SLC11A2: variants seen among roughly 807,000 people sequenced by gnomAD.
SLC11A2 encodes the protein natural resistance-associated macrophage protein 2.
In SLC11A2, 38 loss-of-function variants were observed where a neutral mutation model predicts 68.0. That is an observed-to-expected ratio of 0.56 (90% CI 0.43 to 0.73). The LOEUF (loss-of-function observed/expected upper bound fraction) is 0.73, where lower values mean the gene tolerates loss of function less well. Ranked by LOEUF, SLC11A2 falls within the 30% of genes least tolerant of loss-of-function variation. The pLI is 0.00. For missense variants in SLC11A2, 517 were observed against 690.5 expected (o/e 0.75, Z 2.82); for synonymous variants, 242 against 250.6 (o/e 0.97, Z 0.32).
rs146406034 is a variant in SLC11A2, at chr12:51,000,856, C to T, written c.430-437G>A. Among the ~76,000 whole-genome samples, 278 of 152,088 alleles carry T rather than the reference C, an allele frequency of 1.8e-3. 4 individuals carry two copies. Among genetic ancestry groups the T allele is most frequent in the African/African-American group, 6.3e-3 (262 of 41,510 alleles). ...TCTATCCTGACCATAGCTGGGAAGA[C>T]AAAACAAACATGAAAAGGTTGGGGT... On this transcript the variant is annotated intron_variant, in intron 5 of 15. Coordinates refer to ENST00000262052, the MANE Select transcript of SLC11A2 (RefSeq NM_000617.3).
At chr12:50,994,516 C>A (rs972489555) in intron 11 of SLC11A2, 28 bp downstream of exon 11, 3 of 1,441,272 alleles carry the variant, frequency 2.1e-6, no homozygotes, top group Non-Finnish European at 2.0e-6. Context: ...GATTCAGGAA[C>A]AAAGATCACA....
At chr12:51,026,483 G>A, upstream of SLC11A2, 1 of 629,856 alleles carries the variant, frequency 1.6e-6, no homozygotes, top group South Asian at 1.6e-5. Context: ...GTGGCCCGCA[G>A]ACCAGGGACC....
chr12:51,012,011 CTT>C (rs1943271105), intron 1 of SLC11A2, among the ~76,000 whole-genome samples: 1 of 152,186 alleles, frequency 6.6e-6, no homozygotes, highest in Admixed American at 6.5e-5. Flanking sequence ...AGCCTCAAAT[CTT>C]CCTAAGAAAG....
chr12:50,973,455 A>T, the SLC11A2 span, among the ~76,000 whole-genome samples: 1 of 152,210 alleles, frequency 6.6e-6, no homozygotes, highest in Non-Finnish European at 1.5e-5. Flanking sequence ...GAAAACTAAC[A>T]AACAGAGAGG....
At chr12:50,965,388 G>T in the SLC11A2 span, among the ~76,000 whole-genome samples, 1 of 151,196 alleles carries the variant, frequency 6.6e-6, no homozygotes, top group African/African-American at 2.4e-5. Context: ...CTCCCAAAGT[G>T]CTGGGATTAC....
chr12:50,997,650 A>C (rs1169959950), intron 8 of SLC11A2, among the ~76,000 whole-genome samples: 1 of 135,922 alleles, frequency 7.4e-6, no homozygotes, highest in East Asian at 2.4e-4. Flanking sequence ...ACTGAACTCC[A>C]GCATAGGCAA....
the SLC11A2 span, among the ~76,000 whole-genome samples, chr12:50,960,745 C>T: frequency 6.6e-6 from 1 of 151,918 alleles, no homozygotes; most frequent in African/African-American, 2.4e-5. Flanking sequence ...TGCAGTGGTG[C>T]AATCACAGCT....
chr12:50,995,652 A>C lies in SLC11A2; in HGVS notation c.967T>G (p.Phe323Val). ...FVVSVFAEAF[F>V]GKTNEQVVEV... The stretch of plus-strand genomic sequence containing the variant: ...ACCACCTGCTCGTTGGTTTTCCCAA[A>C]AAATGCTTCAGCAAAGACTGAGACA... Residue 323 changes from phenylalanine to valine, a missense_variant, in exon 10 of 16, where the codon TTT becomes GTT. Phe to Val is a conservative substitution (Grantham distance 50). Transcript: ENST00000262052. The C allele has an allele frequency of 2.5e-6, 4 of 1,614,210 alleles. No individual in the cohort carries two copies. Among genetic ancestry groups the C allele is most frequent in the Non-Finnish European group, 3.4e-6 (4 of 1,180,028 alleles).
At chr12:50,971,130 T>C in the SLC11A2 span, among the ~76,000 whole-genome samples, 4 of 152,202 alleles carry the variant, frequency 2.6e-5, no homozygotes, top group Non-Finnish European at 4.4e-5. Flanking sequence ...TTCACCCACA[T>C]TGGCTTCCCA....
upstream of SLC11A2, chr12:51,028,156 C>T: frequency 1.3e-6 from 2 of 1,509,354 alleles, no homozygotes; most frequent in Non-Finnish European, 1.8e-6. Context: ...CTCAGCTGGG[C>T]AGCTTCCCTG....
chr12:50,967,337 G>A, the SLC11A2 span, among the ~76,000 whole-genome samples: 1 of 152,012 alleles, frequency 6.6e-6, no homozygotes, highest in African/African-American at 2.4e-5. Context: ...CGTAGAGGTG[G>A]GATCTCCCTA....
At chr12:50,975,163 C>G (rs1019193837), downstream of SLC11A2, among the ~76,000 whole-genome samples, 3 of 152,196 alleles carry the variant, frequency 2.0e-5, no homozygotes, top group African/African-American at 7.2e-5. Context: ...ACAGAACTCT[C>G]CACCCCAAAT....
downstream of SLC11A2, among the ~76,000 whole-genome samples, chr12:50,976,236 A>G (rs1346608387): frequency 3.3e-5 from 5 of 152,248 alleles, no homozygotes; most frequent in East Asian, 7.7e-4. Flanking sequence ...TGATGCAAAA[A>G]TCCTCAATAA....
chr12:50,954,331 T>G, the SLC11A2 span: 5 of 403,888 alleles, frequency 1.2e-5, no homozygotes, highest in Admixed American at 4.1e-5. Context: ...TCATTAGAAG[T>G]CTACCTAAAA....
At chr12:50,992,383 CA>C (rs768571785) in intron 12 of SLC11A2, 44 bp from the exon 13 acceptor site, 33 of 1,601,778 alleles carry the variant, frequency 2.1e-5, no homozygotes, top group East Asian at 4.5e-5. Flanking sequence ...CAACAGGAAA[CA>C]AAAAAAAGTT....
At chr12:50,995,577 G>A in intron 10 of SLC11A2, 52 bp downstream of exon 10, 1 of 1,570,562 alleles carries the variant, frequency 6.4e-7, no homozygotes, top group Non-Finnish European at 8.8e-7. Flanking sequence ...TCCCATTGCA[G>A]TCTTCACTTT....
chr12:51,019,635 T>G (rs1287430107), intron 1 of SLC11A2, among the ~76,000 whole-genome samples: 1 of 151,464 alleles, frequency 6.6e-6, no homozygotes, highest in East Asian at 1.9e-4. Context: ...ATCAAAAATA[T>G]CCATCCAACT....
intron 1 of SLC11A2, chr12:51,025,967 G>A: frequency 9.8e-7 from 1 of 1,016,158 alleles, no homozygotes; most frequent in South Asian, 3.6e-5. Flanking sequence ...CGTCGAAGCA[G>A]GTCAGCGCAC....
chr12:50,961,236 C>A, the SLC11A2 span: 1 of 943,452 alleles, frequency 1.1e-6, no homozygotes, highest in Non-Finnish European at 1.5e-6. Flanking sequence ...ACTGATCTTC[C>A]CTTAGTTGAG....
Sources: gnomAD v4.1 joint callset for allele counts (sites outside exome capture counted in the v4.1 genomes callset) on GRCh38, gnomAD v4.1.1 for gene constraint, MANE v1.5 for transcripts, NCBI Gene and HGNC (gene_info 2026-07-23, HGNC 2026-07-21) for gene names.